Variants in EMILIN1 observed in about 807,000 individuals in gnomAD.
EMILIN1 encodes elastin microfibril interfacer 1.
EMILIN1 carries 49 observed loss-of-function variants against 82.4 expected under a neutral mutation model. The ratio of observed to expected loss-of-function variants is 0.59; its 90% CI spans 0.47 to 0.75. The LOEUF is 0.75. Among genes scored for constraint, EMILIN1 ranks in the 30% least tolerant of loss-of-function variants. EMILIN1 has a pLI of 0.00. For missense variants in EMILIN1, 1,313 were observed against 1,366.4 expected, an observed-to-expected ratio of 0.96 and a Z score of 0.62; for synonymous variants, 604 against 602.2, an observed-to-expected ratio of 1.00 and a Z score of -0.04.
chr2:27,082,085 C>T lies in EMILIN1; in HGVS notation c.514C>T (p.Pro172Ser). The T allele has an allele frequency of 6.2e-7, 1 of 1,610,650 alleles. No individual in the cohort carries two copies. The highest frequency in any genetic ancestry group is 8.5e-7 in the Non-Finnish European group (1 of 1,178,560). ...CTTCTGCCTTCCCCTCTCCTCAGGTCCTGGGGAGTCAGAGAAGGTGCAGCA... is the reference window on the plus strand; with the variant it reads ...CTTCTGCCTTCCCCTCTCCTCAGGTTCTGGGGAGTCAGAGAAGGTGCAGCA... Reference protein sequence around the residue: ...SPLSGLGGEGPGESEKVQQLE... With the variant: ...SPLSGLGGEGSGESEKVQQLE... The change falls in exon 4 of 8, where the codon CCT (proline) becomes TCT (serine). Residue 172 changes from proline (P) to serine (S), a missense_variant and splice_region_variant. By Grantham distance (74) the Pro-to-Ser change is moderately conservative. Coordinates refer to ENST00000380320, the MANE Select transcript of EMILIN1 (RefSeq NM_007046.4).
intron 3 of EMILIN1, 136 bp from the exon 4 acceptor site, chr2:27,081,947 T>C: frequency 8.8e-7 from 1 of 1,133,768 alleles, no homozygotes; most frequent in Non-Finnish European, 1.2e-6. Context: ...GAGTTTCTTT[T>C]TTTTTCTCTT....
chr2:27,086,037 T>C lies in EMILIN1; in HGVS notation c.*22T>C, dbSNP rs1669624390. 7.1e-7 allele frequency: 1 copy of C among 1,405,778 alleles called. No homozygotes were observed. The highest frequency in any genetic ancestry group is 9.4e-7 in the Non-Finnish European group (1 of 1,067,026). The allele number at this position is 1,405,778 out of a possible 1,614,324, so 87.1% of individuals were successfully genotyped here. On this transcript the variant is annotated 3_prime_UTR_variant, in exon 8 of 8. Coordinates refer to ENST00000380320, the MANE Select transcript of EMILIN1 (RefSeq NM_007046.4). ...GTAGACTGGGGTCCCGCCCGACGTG[T>C]CTACGTCGGCTGAAGAGACAGCGGG...
At position 27,083,594 on chromosome 2, in the gene EMILIN1, C is replaced by T. The variant is rs1247270188; in HGVS notation, c.2023C>T (p.Leu675=). 2.5e-6 allele frequency: 4 copies of T among 1,613,694 alleles called. No homozygotes were observed. The South Asian group carries it at 3.3e-5, about 13-fold the overall frequency. The change falls in exon 4 of 8, where the codon CTG becomes TTG. Residue 675 remains leucine, a synonymous_variant. Transcript: ENST00000380320. The part of the protein sequence containing the change: ...QTTVEGQGAD[L]ADLGATKDRI... ...CACTGTGGAGGGCCAGGGCGCTGAT[C>T]TGGCTGACCTGGGGGCAACCAAGGA...
At position 27,086,246 on chromosome 2, in the gene EMILIN1, C is replaced by T. The variant is rs1669636104; in HGVS notation, c.*231C>T. ...CTGGCGCGATCCCCCAAGAACCCCT[C>T]CAGGGCCGGCCTGCGGAGGAGCCGA... is the stretch of plus-strand genomic sequence containing the variant. On this transcript the variant is annotated 3_prime_UTR_variant, in exon 8 of 8. Coordinates refer to ENST00000380320, the MANE Select transcript of EMILIN1 (RefSeq NM_007046.4). 2.7e-6 allele frequency: 1 copy of T among 369,058 alleles called. No individual in the cohort carries two copies. Among genetic ancestry groups the T allele is most frequent in the Admixed American group, 4.6e-5 (1 of 21,680 alleles). The allele number at this position is 369,058 out of a possible 1,614,324, so 22.9% of individuals were successfully genotyped here.
intron 1 of EMILIN1, among the ~76,000 whole-genome samples, chr2:27,079,912 T>C (rs921388409): frequency 2.6e-5 from 4 of 152,212 alleles, no homozygotes; most frequent in East Asian, 3.8e-4. Context: ...ACCATGAGGA[T>C]TGACTGCTCT....
Position 27,083,039 on chromosome 2 carries a change from G to T in EMILIN1, c.1468G>T (p.Asp490Tyr). 6.5e-7 allele frequency: 1 copy of T among 1,546,384 alleles called. No homozygotes were observed. The highest frequency in any genetic ancestry group is 8.7e-7 in the Non-Finnish European group (1 of 1,146,498). The change falls in exon 4 of 8, where the codon GAC becomes TAC. Residue 490 changes from aspartate (D) to tyrosine (Y), a missense_variant. Asp to Tyr is a radical substitution (Grantham distance 160). Transcript: ENST00000380320. ...CTGCTCTGGGGCCCCTGGGGAGCAG[G>T]ACTCTCAAGTCAGCGAGATCCTCAG... ...QLCSGAPGEQDSQVSEILSAL... is the reference protein window; with the variant it reads ...QLCSGAPGEQYSQVSEILSAL...
Position 27,082,451 on chromosome 2 carries a change from C to G in EMILIN1, c.880C>G (p.Leu294Val). 6.3e-7 allele frequency: 1 copy of G among 1,578,282 alleles called. No homozygotes were observed. The highest frequency in any genetic ancestry group is 1.1e-5 in the South Asian group (1 of 88,040). Residue 294 changes from leucine to valine, a missense_variant, in exon 4 of 8, where the codon CTG becomes GTG. Coordinates refer to ENST00000380320, the MANE Select transcript of EMILIN1 (RefSeq NM_007046.4). ...PGPSEELLRQ[L>V]EQRLQESCSV... ...CCCCAGTGAGGAGCTGCTGCGGCAG[C>G]TGGAGCAGCGGTTGCAGGAGTCCTG...
chr2:27,083,743 G>A lies in EMILIN1; in HGVS notation c.2172G>A (p.Glu724=), dbSNP rs936500658. 6.2e-7 allele frequency: 1 copy of A among 1,613,512 alleles called. No individual in the cohort carries two copies. Among genetic ancestry groups the A allele is most frequent in the Non-Finnish European group, 8.5e-7 (1 of 1,179,518 alleles). ...QAQAGQCPSL[E]GRLGRLEGVC... is the part of the protein sequence containing the mutation. ...AGGCCGGCCAGTGCCCCAGCTTAGA[G>A]GGGCGATTGGGCCGTCTTGAGGGTG... Residue 724 remains glutamate, a synonymous_variant, in exon 4 of 8, where the codon GAG becomes GAA. Coordinates refer to ENST00000380320, the MANE Select transcript of EMILIN1 (RefSeq NM_007046.4).
chr2:27,082,103 G>A lies in EMILIN1; in HGVS notation c.532G>A (p.Val178Met), dbSNP rs1408048806. 1 of 1,612,902 alleles carries A rather than the reference G, an allele frequency of 6.2e-7. No individual in the cohort carries two copies. The highest frequency in any genetic ancestry group is 8.5e-7 in the Non-Finnish European group (1 of 1,179,632). The change falls in exon 4 of 8, where the codon GTG becomes ATG. Residue 178 changes from valine (V) to methionine (M), a missense_variant. Coordinates refer to ENST00000380320, the MANE Select transcript of EMILIN1 (RefSeq NM_007046.4). ...CTCAGGTCCTGGGGAGTCAGAGAAGGTGCAGCAGCTGGAGGAACAGGTGCA... is the reference window on the plus strand; with the variant it reads ...CTCAGGTCCTGGGGAGTCAGAGAAGATGCAGCAGCTGGAGGAACAGGTGCA... The part of the protein sequence containing the change: ...GGEGPGESEK[V>M]QQLEEQVQSL...
chr2:27,082,824 T>G lies in EMILIN1; in HGVS notation c.1253T>G (p.Leu418Arg). The G allele has an allele frequency of 6.4e-7, 1 of 1,565,184 alleles. No individual in the cohort carries two copies. Among genetic ancestry groups the G allele is most frequent in the Non-Finnish European group, 8.6e-7 (1 of 1,163,716 alleles). ...SRLEDRFNST[L>R]GPSEEQEESW... ...CTGGAGGACCGCTTCAACTCCACCC[T>G]GGGCCCTTCGGAGGAGCAGGAGGAG... Residue 418 changes from leucine to arginine, a missense_variant, in exon 4 of 8, where the codon CTG (leucine) becomes CGG (arginine). By Grantham distance (102) the Leu-to-Arg change is moderately radical. Coordinates refer to ENST00000380320, the MANE Select transcript of EMILIN1 (RefSeq NM_007046.4).
chr2:27,082,955 G>A lies in EMILIN1; in HGVS notation c.1384G>A (p.Gly462Arg). ...LLANVSGELG[G>R]RLDLLEEQVA... ...GGCCAATGTGAGCGGGGAGCTGGGGGGGCGGTTGGATCTGTTGGAGGAGCA... is the reference window on the plus strand; with the variant it reads ...GGCCAATGTGAGCGGGGAGCTGGGGAGGCGGTTGGATCTGTTGGAGGAGCA... The change falls in exon 4 of 8, where the codon GGG (glycine) becomes AGG (arginine). Residue 462 changes from glycine to arginine, a missense_variant. Coordinates refer to ENST00000380320, the MANE Select transcript of EMILIN1 (RefSeq NM_007046.4). 6.3e-7 allele frequency: 1 copy of A among 1,582,972 alleles called. No homozygotes were observed. Among genetic ancestry groups the A allele is most frequent in the Non-Finnish European group, 8.6e-7 (1 of 1,163,866 alleles).
Position 27,082,374 on chromosome 2 carries a change from G to A in EMILIN1, c.803G>A (p.Ser268Asn), listed in dbSNP as rs1336530941. Residue 268 changes from serine (S) to asparagine (N), a missense_variant, in exon 4 of 8, where the codon AGC becomes AAC. Physicochemically the swap from Ser to Asn is conservative, Grantham distance 46 (BLOSUM62 1). Transcript: ENST00000380320. Reference protein sequence around the residue: ...LGHLNNHHGGSSSSGGSRAPA... With the variant: ...LGHLNNHHGGNSSSGGSRAPA... ...CACCTCAACAACCATCATGGCGGCA[G>A]CAGCAGCAGTGGGGGCAGCAGGGCC... 1.9e-6 allele frequency: 3 copies of A among 1,611,092 alleles called. No individual in the cohort carries two copies. The Admixed American group carries it at 5.0e-5, about 27-fold the overall frequency.
chr2:27,084,522 G>T lies in EMILIN1; in HGVS notation c.2548G>T (p.Gly850Trp). Residue 850 changes from glycine to tryptophan, a missense_variant, in exon 5 of 8, where the codon GGG (glycine) becomes TGG (tryptophan). Transcript: ENST00000380320. ...CAAGGACGGGCAAGAGGGCCCCATC[G>T]GGCCACCAGGTATGTGCACTGAGAC... The part of the protein sequence containing the change: ...PGKDGQEGPI[G>W]PPGPQGEQGV... The T allele has an allele frequency of 6.2e-7, 1 of 1,608,062 alleles. No individual in the cohort carries two copies. Among genetic ancestry groups the T allele is most frequent in the South Asian group, 1.1e-5 (1 of 90,992 alleles).
chr2:27,083,496 C>A lies in EMILIN1; in HGVS notation c.1925C>A (p.Ala642Asp). 1 of 1,613,658 alleles carries A rather than the reference C, an allele frequency of 6.2e-7. No homozygotes were observed. The highest frequency in any genetic ancestry group is 1.1e-5 in the South Asian group (1 of 91,066). Residue 642 changes from alanine to aspartate, a missense_variant, in exon 4 of 8, where the codon GCC (alanine) becomes GAC (aspartate). Physicochemically the swap from Ala to Asp is moderately radical, Grantham distance 126. Coordinates refer to ENST00000380320, the MANE Select transcript of EMILIN1 (RefSeq NM_007046.4). ...FGGSSGSALQALQGELSEVIL... is the reference protein window; with the variant it reads ...FGGSSGSALQDLQGELSEVIL... ...GGCAGCTCAGGCTCAGCCCTGCAGGCCCTGCAAGGAGAGCTCTCTGAGGTT... is the reference window on the plus strand; with the variant it reads ...GGCAGCTCAGGCTCAGCCCTGCAGGACCTGCAAGGAGAGCTCTCTGAGGTT...
At position 27,082,715 on chromosome 2, in the gene EMILIN1, C is replaced by A; in HGVS notation, c.1144C>A (p.Arg382=). The change falls in exon 4 of 8, where the codon CGG becomes AGG. Residue 382 remains arginine (R), a synonymous_variant. Coordinates refer to ENST00000380320, the MANE Select transcript of EMILIN1 (RefSeq NM_007046.4). ...VAGSVTVLSG[R]RGTELGGAAG... is the part of the protein sequence containing the mutation. ...CGGCTCAGTGACAGTGCTGAGTGGG[C>A]GGCGAGGCACAGAGCTGGGAGGAGC... 6.4e-7 allele frequency: 1 copy of A among 1,550,620 alleles called. No homozygotes were observed. The highest frequency in any genetic ancestry group is 8.7e-7 in the Non-Finnish European group (1 of 1,152,748).
At chr2:27,084,067 C>A in intron 4 of EMILIN1, 56 bp downstream of exon 4, 1 of 1,419,880 alleles carries the variant, frequency 7.0e-7, no homozygotes, top group Non-Finnish European at 9.3e-7. Context: ...TTTTCTTCTC[C>A]CTCCCCCAGC....
In EMILIN1 at chr2:27,079,186, C is replaced by A. The variant is rs1197505212; in HGVS notation, c.121C>A (p.Pro41Thr). The A allele has an allele frequency of 1.3e-6, 2 of 1,582,328 alleles. No individual in the cohort carries two copies. The highest frequency in any genetic ancestry group is 2.8e-5 in the African/African-American group (2 of 71,960). ...CACAGGTTCCAGTGGGGCCCTCAGCCCCGGGGGGCCCCAGGCCCAGATTGC... is the reference window on the plus strand; with the variant it reads ...CACAGGTTCCAGTGGGGCCCTCAGCACCGGGGGGCCCCAGGCCCAGATTGC... ...LYTGSSGALS[P>T]GGPQAQIAPR... Residue 41 changes from proline to threonine, a missense_variant, in exon 1 of 8, where the codon CCC (proline) becomes ACC (threonine). Pro to Thr is a conservative substitution (Grantham distance 38, BLOSUM62 -1). Transcript: ENST00000380320.
chr2:27,082,859 G>A lies in EMILIN1; in HGVS notation c.1288G>A (p.Gly430Arg). 6.3e-7 allele frequency: 1 copy of A among 1,586,190 alleles called. No individual in the cohort carries two copies. The highest frequency in any genetic ancestry group is 8.5e-7 in the Non-Finnish European group (1 of 1,174,320). Residue 430 changes from glycine to arginine, a missense_variant, in exon 4 of 8, where the codon GGG (glycine) becomes AGG (arginine). Physicochemically the swap from Gly to Arg is moderately radical, Grantham distance 125. Transcript: ENST00000380320. ...GGAGGAGCAGGAGGAGAGCTGGCCT[G>A]GGGCTCCTGGGGGGCTGAGCCACTG... ...PSEEQEESWP[G>R]APGGLSHWLP...
In EMILIN1 at chr2:27,079,120, G is replaced by A. The variant is rs752262173; in HGVS notation, c.55G>A (p.Ala19Thr). 5 of 1,604,952 alleles carry A rather than the reference G, an allele frequency of 3.1e-6. No homozygotes were observed. The South Asian group carries it at 4.4e-5, about 14-fold the overall frequency. Residue 19 changes from alanine to threonine, a missense_variant, in exon 1 of 8, where the codon GCA becomes ACA. By Grantham distance (58) the Ala-to-Thr change is moderately conservative. Transcript: ENST00000380320. Reference sequence around the variant, plus strand: ...CCTCTGCTGCCTGCTGACGGCAGCTGCAGGGGCCGCCAGCTACCCTCCTCG... The same window carrying A: ...CCTCTGCTGCCTGCTGACGGCAGCTACAGGGGCCGCCAGCTACCCTCCTCG... ...CYLCCLLTAA[A>T]GAASYPPRGF...
Sources: gnomAD v4.1 joint callset for allele counts (sites outside exome capture counted in the v4.1 genomes callset) on GRCh38, gnomAD v4.1.1 for gene constraint, MANE v1.5 for transcripts, NCBI Gene and HGNC (gene_info 2026-07-23, HGNC 2026-07-21) for gene names.